Variants in GTF2F2 observed in about 807,000 individuals in gnomAD.
The protein encoded by GTF2F2 is general transcription factor IIF subunit 2.
GTF2F2 carries 23 observed loss-of-function variants against 42.2 expected under a neutral mutation model. That is an observed-to-expected ratio of 0.55 (90% CI 0.39 to 0.77). The LOEUF is 0.77. Among genes scored for constraint, GTF2F2 ranks in the 30% least tolerant of loss-of-function variants. The pLI is 0.00. For synonymous variants in GTF2F2, 105 were observed against 100.8 expected (o/e 1.04, Z -0.25); for missense variants, 261 against 287.2 (o/e 0.91, Z 0.66).
chr13:45,272,687 G>T (rs1166094460), intron 7 of GTF2F2, among the ~76,000 whole-genome samples: 1 of 150,782 alleles, frequency 6.6e-6, no homozygotes, highest in Non-Finnish European at 1.5e-5. Context: ...GGAGGTTGCA[G>T]TAAGCCAAGA....
intron 5 of GTF2F2, among the ~76,000 whole-genome samples, chr13:45,245,771 A>G (rs1875567368): frequency 6.9e-6 from 1 of 143,902 alleles, no homozygotes. Flanking sequence ...TCTTTTTTGT[A>G]TCTACTAAAA....
At chr13:45,197,141 C>T (rs1478236520) in intron 4 of GTF2F2, among the ~76,000 whole-genome samples, 1 of 151,724 alleles carries the variant, frequency 6.6e-6, no homozygotes, top group Admixed American at 6.6e-5. Context: ...TGTCTTAGTG[C>T]CTGGCTTATA....
intron 5 of GTF2F2, among the ~76,000 whole-genome samples, chr13:45,240,827 T>C (rs1302945745): frequency 6.6e-6 from 1 of 150,442 alleles, no homozygotes; most frequent in African/African-American, 2.5e-5. Flanking sequence ...AAACTACCTC[T>C]CAAAAAAAGG....
intron 4 of GTF2F2, among the ~76,000 whole-genome samples, chr13:45,171,055 G>C (rs1043029784): frequency 2.0e-5 from 3 of 149,412 alleles, no homozygotes; most frequent in Non-Finnish European, 3.0e-5. Context: ...AAATGCTACT[G>C]CCTAAAACCC....
intron 5 of GTF2F2, among the ~76,000 whole-genome samples, chr13:45,212,480 T>TTTCTTTCC: frequency 7.1e-6 from 1 of 139,898 alleles, no homozygotes; most frequent in African/African-American, 2.9e-5. Context: ...TCTTTCTTTC[T>TTTCTTTCC]TTCTTTCTTT....
chr13:45,236,533 T>A (rs1052063489), intron 5 of GTF2F2, among the ~76,000 whole-genome samples: 1 of 145,210 alleles, frequency 6.9e-6, no homozygotes, highest in Non-Finnish European at 1.5e-5. Context: ...ACACACAAGT[T>A]TATGAGGCTC....
intron 4 of GTF2F2, among the ~76,000 whole-genome samples, chr13:45,156,631 A>G (rs115219880): frequency 1.2e-3 from 177 of 152,280 alleles, no homozygotes; most frequent in African/African-American, 4.2e-3. Context: ...GTCGACCAGA[A>G]TTAGAGGTTA....
intron 4 of GTF2F2, among the ~76,000 whole-genome samples, chr13:45,152,843 C>G (rs1288295927): frequency 1.3e-5 from 2 of 152,112 alleles, no homozygotes; most frequent in African/African-American, 4.8e-5. Flanking sequence ...AAGCAACAGG[C>G]CACCTTAGCT....
intron 4 of GTF2F2, among the ~76,000 whole-genome samples, chr13:45,162,867 T>C (rs1871104093): frequency 6.6e-6 from 1 of 152,128 alleles, no homozygotes; most frequent in Non-Finnish European, 1.5e-5. Flanking sequence ...ATTTCATAAG[T>C]GTTGACATTT....
At chr13:45,225,843 G>T (rs151129097) in intron 5 of GTF2F2, among the ~76,000 whole-genome samples, 1 of 152,116 alleles carries the variant, frequency 6.6e-6, no homozygotes, top group Non-Finnish European at 1.5e-5. Context: ...GGACAGTGGT[G>T]CCTGTTGTAC....
chr13:45,248,635 G>A (rs1004961892), intron 5 of GTF2F2, among the ~76,000 whole-genome samples: 18 of 151,918 alleles, frequency 1.2e-4, no homozygotes, highest in Middle Eastern at 3.4e-3. Context: ...CACCATGCCC[G>A]GCTGATTTTT....
chr13:45,273,030 A>G (rs1266108348), intron 7 of GTF2F2, among the ~76,000 whole-genome samples: 1 of 146,814 alleles, frequency 6.8e-6, no homozygotes, highest in African/African-American at 2.5e-5. Flanking sequence ...GAGTTCAAGC[A>G]GTTCTCTGCC....
At chr13:45,253,353 A>G (rs779038611) in intron 6 of GTF2F2, among the ~76,000 whole-genome samples, 6 of 152,228 alleles carry the variant, frequency 3.9e-5, no homozygotes, top group Non-Finnish European at 7.3e-5. Context: ...GAACCATAAG[A>G]AAGTTTTTAA....
intron 4 of GTF2F2, among the ~76,000 whole-genome samples, chr13:45,162,052 G>A (rs559699601): frequency 1.4e-4 from 21 of 152,182 alleles, no homozygotes; most frequent in African/African-American, 4.8e-4. Context: ...ACAACTCCAC[G>A]AGGGAGGGAC....
intron 3 of GTF2F2, among the ~76,000 whole-genome samples, chr13:45,151,217 G>A (rs1180117996): frequency 3.3e-5 from 5 of 152,114 alleles, no homozygotes; most frequent in Non-Finnish European, 7.4e-5. Flanking sequence ...TTGTAAGTGA[G>A]AACATGTGGT....
intron 5 of GTF2F2, among the ~76,000 whole-genome samples, chr13:45,225,472 CG>C (rs1443514985): frequency 1.3e-5 from 2 of 151,588 alleles, no homozygotes; most frequent in Non-Finnish European, 2.9e-5. Flanking sequence ...GCCTGTTGGC[CG>C]GGCATCATGG....
intron 4 of GTF2F2, among the ~76,000 whole-genome samples, chr13:45,156,756 C>T (rs1307968130): frequency 6.6e-6 from 1 of 152,134 alleles, no homozygotes; most frequent in Non-Finnish European, 1.5e-5. Context: ...GAAACCATTA[C>T]TGAATTAGAA....
intron 5 of GTF2F2, among the ~76,000 whole-genome samples, chr13:45,249,460 G>A (rs1875784318): frequency 6.6e-6 from 1 of 152,196 alleles, no homozygotes; most frequent in Admixed American, 6.5e-5. Context: ...TATGAGTGAT[G>A]AAATTGGCTT....
intron 5 of GTF2F2, among the ~76,000 whole-genome samples, chr13:45,242,347 C>G (rs2138234871): frequency 6.7e-6 from 1 of 149,446 alleles, no homozygotes; most frequent in South Asian, 2.1e-4. Context: ...TACTGCTCTT[C>G]CTGCTTCTTG....
Sources: allele counts gnomAD v4.1 joint callset (sites outside exome capture counted in the v4.1 genomes callset), GRCh38; gene constraint gnomAD v4.1.1; transcripts MANE v1.5; gene names NCBI Gene and HGNC (gene_info 2026-07-23, HGNC 2026-07-21).